Variants in FTO observed in about 807,000 individuals in gnomAD.
FTO encodes alpha-ketoglutarate-dependent dioxygenase FTO.
Under a neutral mutation model 63.9 loss-of-function variants are expected in FTO, and 47 were observed. The observed-to-expected ratio is 0.74, with a 90% CI of 0.58 to 0.94. FTO has a LOEUF of 0.94. Among genes scored for constraint, FTO ranks in the 40% least tolerant of loss-of-function variants. The pLI, the probability that FTO is intolerant of heterozygous loss-of-function variation, is 0.00. For missense variants in FTO, 562 were observed against 618.1 expected (o/e 0.91, Z 0.96); for synonymous variants, 207 against 224.4 (o/e 0.92, Z 0.69).
At chr16:53,898,932 C>T (rs1053315558) in intron 7 of FTO, among the ~76,000 whole-genome samples, 1 of 152,216 alleles carries the variant, frequency 6.6e-6, no homozygotes, top group African/African-American at 2.4e-5. Flanking sequence ...ACCTTGGCCT[C>T]ACAGAGTGCT....
intron 8 of FTO, among the ~76,000 whole-genome samples, chr16:53,949,046 G>T (rs1401025866): frequency 1.3e-5 from 2 of 152,226 alleles, no homozygotes; most frequent in Non-Finnish European, 2.9e-5. Context: ...TTCCAAAAGT[G>T]AATGAGGTGT....
chr16:53,941,229 A>G (rs1273056928), intron 8 of FTO, among the ~76,000 whole-genome samples: 1 of 152,246 alleles, frequency 6.6e-6, no homozygotes, highest in Non-Finnish European at 1.5e-5. Flanking sequence ...TAACTGTGCT[A>G]GACACTGTGG....
chr16:53,958,706 G>C (rs1167479080), intron 8 of FTO, among the ~76,000 whole-genome samples: 2 of 152,330 alleles, frequency 1.3e-5, no homozygotes, highest in Admixed American at 1.3e-4. Flanking sequence ...GTGGCCTCGG[G>C]AAAGCTGCCG....
At chr16:53,833,143 C>G (rs775422275) in intron 3 of FTO, among the ~76,000 whole-genome samples, 6 of 152,178 alleles carry the variant, frequency 3.9e-5, no homozygotes, top group Non-Finnish European at 7.3e-5. Context: ...TCAGGGGTTT[C>G]CGCTTTTGCT....
chr16:53,948,422 T>G (rs2082698381), intron 8 of FTO, among the ~76,000 whole-genome samples: 1 of 152,178 alleles, frequency 6.6e-6, no homozygotes, highest in Non-Finnish European at 1.5e-5. Flanking sequence ...GCCAGAGAGG[T>G]GAGACACTGT....
chr16:53,767,904 C>T (rs997614891), intron 1 of FTO, among the ~76,000 whole-genome samples: 2 of 152,092 alleles, frequency 1.3e-5, no homozygotes, highest in Non-Finnish European at 2.9e-5. Flanking sequence ...ATATTTTTCT[C>T]CCATGTCTAA....
At chr16:53,738,545 C>T (rs1230775031) in intron 1 of FTO, among the ~76,000 whole-genome samples, 3 of 152,144 alleles carry the variant, frequency 2.0e-5, no homozygotes, top group African/African-American at 7.2e-5. Flanking sequence ...AAAAACGCTT[C>T]TATAAACATT....
chr16:53,735,148 T>C (rs1449436451), intron 1 of FTO, among the ~76,000 whole-genome samples: 2 of 152,246 alleles, frequency 1.3e-5, no homozygotes, highest in Non-Finnish European at 2.9e-5. Context: ...GAGATTTTTA[T>C]CTTTTGTTCC....
chr16:53,890,572 A>G (rs1040232064), intron 7 of FTO, among the ~76,000 whole-genome samples: 7 of 152,218 alleles, frequency 4.6e-5, no homozygotes, highest in Non-Finnish European at 8.8e-5. Flanking sequence ...AAATCTTTAA[A>G]TCATACCTTT....
At chr16:53,796,033 T>TTTTCTTTC (rs1357580044) in intron 1 of FTO, among the ~76,000 whole-genome samples, 1 of 144,700 alleles carries the variant, frequency 6.9e-6, no homozygotes, top group African/African-American at 2.5e-5. Flanking sequence ...GTTTTGTTTT[T>TTTTCTTTC]TTTCTTTCTT....
intron 1 of FTO, among the ~76,000 whole-genome samples, chr16:53,736,510 T>C (rs1425724196): frequency 1.3e-5 from 2 of 152,168 alleles, no homozygotes; most frequent in African/African-American, 4.8e-5. Context: ...AGATCTGAAA[T>C]CTGACCCCTC....
chr16:53,790,789 T>C (rs2077893786), intron 1 of FTO, among the ~76,000 whole-genome samples: 1 of 152,104 alleles, frequency 6.6e-6, no homozygotes, highest in African/African-American at 2.4e-5. Flanking sequence ...GAAGATGAGA[T>C]TGCCTAAAGG....
At chr16:54,095,070 T>C (rs1261531813) in intron 8 of FTO, among the ~76,000 whole-genome samples, 2 of 152,056 alleles carry the variant, frequency 1.3e-5, no homozygotes, top group Non-Finnish European at 2.9e-5. Flanking sequence ...CCTAACTCTT[T>C]TTTCTTTCTT....
At chr16:53,961,518 C>A (rs1415746790) in intron 8 of FTO, among the ~76,000 whole-genome samples, 9 of 152,120 alleles carry the variant, frequency 5.9e-5, no homozygotes. Flanking sequence ...GTATTAAATT[C>A]TTTGAGCTAA....
intron 1 of FTO, among the ~76,000 whole-genome samples, chr16:53,753,607 A>T (rs368451381): frequency 1.3e-5 from 2 of 152,048 alleles, no homozygotes; most frequent in African/African-American, 4.8e-5. Context: ...CTTCCTAATT[A>T]TTGCAAATCC....
chr16:53,952,855 A>C (rs2082831292), intron 8 of FTO, among the ~76,000 whole-genome samples: 1 of 152,208 alleles, frequency 6.6e-6, no homozygotes, highest in Non-Finnish European at 1.5e-5. Context: ...AAAAATGCTC[A>C]AGCAGGTGAG....
chr16:53,799,466 C>T (rs1395178207), intron 1 of FTO, among the ~76,000 whole-genome samples: 1 of 151,890 alleles, frequency 6.6e-6, no homozygotes, highest in Admixed American at 6.6e-5. Context: ...CCAAGCATAT[C>T]CCTGGCATAT....
At chr16:53,940,148 C>T (rs965392729) in intron 8 of FTO, among the ~76,000 whole-genome samples, 8 of 151,754 alleles carry the variant, frequency 5.3e-5, no homozygotes, top group East Asian at 1.9e-4. Flanking sequence ...ATGTCCTTGT[C>T]GTTACCTGTT....
At chr16:53,787,269 A>G (rs2077773230) in intron 1 of FTO, among the ~76,000 whole-genome samples, 1 of 151,852 alleles carries the variant, frequency 6.6e-6, no homozygotes, top group African/African-American at 2.4e-5. Context: ...GGCCAAAGGG[A>G]AAAAGTCCAG....
Sources: gnomAD v4.1 joint callset for allele counts (sites outside exome capture counted in the v4.1 genomes callset) on GRCh38, gnomAD v4.1.1 for gene constraint, MANE v1.5 for transcripts, NCBI Gene and HGNC (gene_info 2026-07-23, HGNC 2026-07-21) for gene names.